The following TYW1 variants were observed in gnomAD, a reference collection of about 807,000 sequenced individuals.
The protein encoded by TYW1 is S-adenosyl-L-methionine-dependent tRNA 4-demethylwyosine synthase TYW1.
In TYW1, 46 loss-of-function variants were observed where a neutral mutation model predicts 96.2. The observed-to-expected ratio is 0.48, with a 90% CI of 0.38 to 0.61. The LOEUF is 0.61. Among genes scored for constraint, TYW1 ranks in the 20% least tolerant of loss-of-function variants. The probability of loss-of-function intolerance (pLI) is 0.00; values close to 1 mark genes in which losing one functional copy is unlikely to be tolerated. For synonymous variants in TYW1, 274 were observed against 323.0 expected (o/e 0.85, Z 1.63); for missense variants, 684 against 909.6 (o/e 0.75, Z 3.19).
intron 13 of TYW1, among the ~76,000 whole-genome samples, chr7:67,124,632 T>C (rs1797862598): frequency 6.6e-6 from 1 of 152,182 alleles, no homozygotes; most frequent in Non-Finnish European, 1.5e-5. Context: ...TATTTTTGTT[T>C]TGCTTGTTTT....
intron 13 of TYW1, among the ~76,000 whole-genome samples, chr7:67,164,462 T>A (rs1255990897): frequency 6.8e-6 from 1 of 147,754 alleles, no homozygotes; most frequent in Admixed American, 6.8e-5. Flanking sequence ...ACAAAAAAAA[T>A]TGGCTGGATG....
At chr7:67,206,606 G>A (rs1800807916) in intron 15 of TYW1, among the ~76,000 whole-genome samples, 1 of 150,264 alleles carries the variant, frequency 6.7e-6, no homozygotes, top group African/African-American at 2.5e-5. Flanking sequence ...GCGACAAAAT[G>A]AGACTCTGTC....
intron 11 of TYW1, among the ~76,000 whole-genome samples, chr7:67,093,750 A>T (rs1304133303): frequency 2.0e-5 from 3 of 152,142 alleles, no homozygotes; most frequent in Admixed American, 2.0e-4. Flanking sequence ...TTGCAGTTAC[A>T]TAGTCATAAA....
intron 7 of TYW1, among the ~76,000 whole-genome samples, chr7:67,049,632 C>T (rs1418248070): frequency 6.6e-6 from 1 of 150,968 alleles, no homozygotes; most frequent in Non-Finnish European, 1.5e-5. Context: ...CTGCAACTTT[C>T]GTTTTCTGGG....
intron 13 of TYW1, among the ~76,000 whole-genome samples, chr7:67,157,110 C>A (rs1414517216): frequency 6.6e-6 from 1 of 151,914 alleles, no homozygotes; most frequent in Non-Finnish European, 1.5e-5. Flanking sequence ...GAGTACCAAG[C>A]GCCTCTAGTC....
At chr7:67,144,660 A>G (rs2116129335) in intron 13 of TYW1, among the ~76,000 whole-genome samples, 1 of 152,146 alleles carries the variant, frequency 6.6e-6, no homozygotes, top group Non-Finnish European at 1.5e-5. Flanking sequence ...TTATAGAGAC[A>G]GGGTTTCGCC....
At chr7:67,009,261 G>A (rs1793707117) in intron 3 of TYW1, among the ~76,000 whole-genome samples, 1 of 152,108 alleles carries the variant, frequency 6.6e-6, no homozygotes, top group East Asian at 1.9e-4. Flanking sequence ...GCCTCCCAAA[G>A]TGCTGGGATT....
At chr7:67,147,943 T>C (rs1222168728) in intron 13 of TYW1, among the ~76,000 whole-genome samples, 1 of 138,138 alleles carries the variant, frequency 7.2e-6, no homozygotes, top group Admixed American at 7.1e-5. Context: ...TAAATTAATT[T>C]GGAAAAAAAA....
chr7:67,095,990 G>C (rs1056945045), intron 11 of TYW1, among the ~76,000 whole-genome samples: 10 of 152,210 alleles, frequency 6.6e-5, no homozygotes, highest in Admixed American at 6.5e-4. Context: ...CGTTTCTTGT[G>C]TGCCAGACAC....
intron 13 of TYW1, among the ~76,000 whole-genome samples, chr7:67,176,391 C>A (rs892847934): frequency 6.6e-6 from 1 of 152,156 alleles, no homozygotes; most frequent in African/African-American, 2.4e-5. Flanking sequence ...TGAAACGTGG[C>A]TACCCTGAAT....
intron 15 of TYW1, among the ~76,000 whole-genome samples, chr7:67,218,222 A>T (rs1165131534): frequency 6.6e-6 from 1 of 151,850 alleles, no homozygotes; most frequent in African/African-American, 2.4e-5. Flanking sequence ...CTATTTATTT[A>T]TGTGTTCTTT....
chr7:67,217,283 T>C (rs1801225685), intron 15 of TYW1, among the ~76,000 whole-genome samples: 1 of 152,228 alleles, frequency 6.6e-6, no homozygotes. Context: ...GTCCAGTTTG[T>C]CTATTCTTTC....
Position 67,071,009 on chromosome 7 carries a change from T to A in TYW1, c.1274+3606T>A, listed in dbSNP as rs556729020. Among the ~76,000 whole-genome samples, 14 of 151,868 alleles carry A rather than the reference T, an allele frequency of 9.2e-5. No homozygotes were observed. The East Asian group carries it at 2.5e-3, about 27-fold the overall frequency. ...AGCCGGGCGTGGTGGTGGGCGCCTGTAGTCCCAGCTACTCGGGAGGCTGAG... is the reference window on the plus strand; with the variant it reads ...AGCCGGGCGTGGTGGTGGGCGCCTGAAGTCCCAGCTACTCGGGAGGCTGAG... On this transcript the variant is annotated intron_variant, in intron 10 of 15. Transcript: ENST00000359626.
At chr7:67,026,570 C>G in intron 7 of TYW1, among the ~76,000 whole-genome samples, 1 of 151,962 alleles carries the variant, frequency 6.6e-6, no homozygotes, top group East Asian at 1.9e-4. Context: ...CTAGTAGGTC[C>G]TCTAGACTCT....
chr7:67,085,326 G>A (rs916566168), intron 11 of TYW1, among the ~76,000 whole-genome samples: 3 of 152,102 alleles, frequency 2.0e-5, no homozygotes, highest in African/African-American at 7.2e-5. Context: ...GAAATGTGGG[G>A]GCTGTTTCCC....
chr7:67,090,062 G>A lies in TYW1; in HGVS notation c.1384+6523G>A, dbSNP rs28539320. Among the ~76,000 whole-genome samples, 1,174 of 152,186 alleles carry A rather than the reference G, an allele frequency of 7.7e-3. 17 individuals carry two copies. Among genetic ancestry groups the A allele is most frequent in the African/African-American group, 0.026 (1,099 of 41,514 alleles). On this transcript the variant is annotated intron_variant, in intron 11 of 15. Coordinates refer to ENST00000359626, the MANE Select transcript of TYW1 (RefSeq NM_018264.4). The stretch of plus-strand genomic sequence containing the variant: ...AAAAAGACATCATTTATTGCTAGGT[G>A]TTTTTATCTATACTTTAGGCTAGAA...
At chr7:67,151,185 G>A (rs569434069) in intron 13 of TYW1, among the ~76,000 whole-genome samples, 123 of 152,290 alleles carry the variant, frequency 8.1e-4, no homozygotes, top group Non-Finnish European at 1.3e-3. Flanking sequence ...CGAATAGCTG[G>A]AATTAAAGGT....
At chr7:67,209,407 G>A (rs1345522634) in intron 15 of TYW1, among the ~76,000 whole-genome samples, 7 of 152,144 alleles carry the variant, frequency 4.6e-5, no homozygotes, top group Admixed American at 1.3e-4. Flanking sequence ...AATCCAAGAA[G>A]CTTTGATAAT....
At chr7:67,059,488 A>T (rs994480049) in intron 9 of TYW1, among the ~76,000 whole-genome samples, 19 of 151,330 alleles carry the variant, frequency 1.3e-4, no homozygotes, top group Non-Finnish European at 2.4e-4. Flanking sequence ...GATCAGTAAC[A>T]AGGGTGACGG....
Sources: gnomAD v4.1 joint callset for allele counts (sites outside exome capture counted in the v4.1 genomes callset) on GRCh38, gnomAD v4.1.1 for gene constraint, MANE v1.5 for transcripts, NCBI Gene and HGNC (gene_info 2026-07-23, HGNC 2026-07-21) for gene names.